The following MORC4 variants were observed in gnomAD, a reference collection of about 807,000 sequenced individuals.
MORC4 encodes the protein MORC family CW-type zinc finger protein 4.
Under a neutral mutation model 65.5 loss-of-function variants are expected in MORC4, and 22 were observed. That is an observed-to-expected ratio of 0.34 (90% CI 0.24 to 0.48). The LOEUF (loss-of-function observed/expected upper bound fraction) is 0.48. MORC4 is among the 20% of genes least tolerant of loss of function. The pLI, the probability that MORC4 is intolerant of heterozygous loss-of-function variation, is 0.99. For synonymous variants in MORC4, 267 were observed against 255.8 expected, an observed-to-expected ratio of 1.04 and a Z score of -0.42; for missense variants, 624 against 703.0, an observed-to-expected ratio of 0.89 and a Z score of 1.27.
chrX:106,955,350 C>T (rs1057036388), intron 13 of MORC4, among the ~76,000 whole-genome samples: 3 of 109,779 alleles, frequency 2.7e-5, no homozygotes, highest in African/African-American at 1.0e-4. Flanking sequence ...CCAATATAAA[C>T]CCAGGCCCCC....
intron 3 of MORC4, among the ~76,000 whole-genome samples, chrX:106,992,058 A>G (rs1392247660): frequency 7.1e-5 from 8 of 112,048 alleles, no homozygotes; most frequent in African/African-American, 1.6e-4. Context: ...GTTATAAGTT[A>G]AAGGATTGGG....
At chrX:106,980,480 C>T (rs1225554568) in intron 7 of MORC4, among the ~76,000 whole-genome samples, 1 of 111,673 alleles carries the variant, frequency 9.0e-6, no homozygotes, top group Non-Finnish European at 1.9e-5. Flanking sequence ...CAGTATTTTG[C>T]TAATTTCAAT....
chrX:106,999,786 T>C, intron 1 of MORC4, 37 bp from the exon 2 acceptor site: 2 of 1,006,527 alleles, frequency 2.0e-6, no homozygotes, highest in East Asian at 4.4e-5. Flanking sequence ...GCGTGAGGCC[T>C]CGGCCCGCCG....
At chrX:106,989,698 T>C (rs1227233950) in intron 3 of MORC4, among the ~76,000 whole-genome samples, 1 of 106,919 alleles carries the variant, frequency 9.4e-6, no homozygotes, top group Non-Finnish European at 1.9e-5. Flanking sequence ...TGAAACCCCG[T>C]CTCTACTAAA....
intron 9 of MORC4, among the ~76,000 whole-genome samples, 182 bp from the exon 10 acceptor site, chrX:106,962,292 C>CA (rs1934267813): frequency 8.9e-6 from 1 of 112,409 alleles, no homozygotes; most frequent in South Asian, 3.7e-4. Context: ...GTCAAAATGA[C>CA]AAAGTTGTAA....
chrX:106,970,710 C>T (rs919519898), intron 9 of MORC4, among the ~76,000 whole-genome samples: 1 of 111,512 alleles, frequency 9.0e-6, no homozygotes, highest in African/African-American at 3.3e-5. Flanking sequence ...AATGAACTGC[C>T]CTTCACAGTT....
In MORC4 at chrX:106,945,101, T is replaced by C. The variant is rs190057741; in HGVS notation, c.1686-1896A>G. Among the ~76,000 whole-genome samples, 3 of 112,248 alleles carry C rather than the reference T, an allele frequency of 2.7e-5. No individual in the cohort carries two copies. In the East Asian group the frequency reaches 8.4e-4, roughly 32 times the overall value. On this transcript the variant is annotated intron_variant, in intron 14 of 16. Coordinates refer to ENST00000355610, the MANE Select transcript of MORC4 (RefSeq NM_024657.5). ...CTGTACCAGATCATGTAAGAAGTGC[T>C]TAACATGTATTGCCTCATCTAATTC...
chrX:106,994,211 T>C (rs1248252182), intron 2 of MORC4, among the ~76,000 whole-genome samples: 1 of 112,435 alleles, frequency 8.9e-6, no homozygotes, highest in African/African-American at 3.2e-5. Context: ...CACTGTCTAG[T>C]TGCCGCATGT....
rs142586682 is a variant in MORC4, at chrX:106,981,002, T to C, written c.825A>G (p.Leu275=). ...AAATTTTCATGCGTGGCTTCATGTATAGAATACCACAAAATGCCTACGGAA... is the reference window on the plus strand; with the variant it reads ...AAATTTTCATGCGTGGCTTCATGTACAGAATACCACAAAATGCCTACGGAA... ...EYSLRAFCGI[L]YMKPRMKIFL... The change falls in exon 7 of 17, where the codon CTA becomes CTG. Residue 275 remains leucine, a synonymous_variant. Transcript: ENST00000355610. 91 of 1,208,101 alleles carry C rather than the reference T, an allele frequency of 7.5e-5. No homozygotes were observed. Among genetic ancestry groups the C allele is most frequent in the Non-Finnish European group, 9.6e-5 (86 of 894,155 alleles).
At chrX:106,974,617 T>C (rs1398512166) in intron 9 of MORC4, among the ~76,000 whole-genome samples, 1 of 112,032 alleles carries the variant, frequency 8.9e-6, no homozygotes, top group Non-Finnish European at 1.9e-5. Flanking sequence ...AATTACTTCA[T>C]ATATGTTACA....
intron 14 of MORC4, among the ~76,000 whole-genome samples, chrX:106,947,053 T>A (rs1933845545): frequency 8.9e-6 from 1 of 112,034 alleles, no homozygotes; most frequent in Non-Finnish European, 1.9e-5. Flanking sequence ...ATATTTTCAA[T>A]ATATTTTTAC....
intron 2 of MORC4, among the ~76,000 whole-genome samples, chrX:106,998,271 G>C (rs1274465796): frequency 1.8e-5 from 2 of 112,210 alleles, no homozygotes; most frequent in Admixed American, 9.4e-5. Flanking sequence ...ATACATGTAT[G>C]CATGCATGTG....
At chrX:106,969,495 TAGAG>T (rs1934455361) in intron 9 of MORC4, among the ~76,000 whole-genome samples, 1 of 108,054 alleles carries the variant, frequency 9.3e-6, no homozygotes, top group African/African-American at 3.3e-5. Flanking sequence ...ATGAAGGAGA[TAGAG>T]ACACAAAAAT....
At chrX:106,982,776 T>C (rs1013866260) in intron 5 of MORC4, among the ~76,000 whole-genome samples, 7 of 111,736 alleles carry the variant, frequency 6.3e-5, no homozygotes, top group African/African-American at 2.3e-4. Flanking sequence ...AGAAATACTT[T>C]TTAAAAATTG....
intron 14 of MORC4, among the ~76,000 whole-genome samples, chrX:106,949,024 C>A (rs1291203641): frequency 9.0e-6 from 1 of 111,545 alleles, no homozygotes; most frequent in Non-Finnish European, 1.9e-5. Flanking sequence ...TCTCTCTATT[C>A]TTCTATTATG....
intron 9 of MORC4, 37 bp from the exon 10 acceptor site, chrX:106,962,147 A>G (rs1055137201): frequency 2.0e-6 from 2 of 992,301 alleles, no homozygotes; most frequent in African/African-American, 3.8e-5. Flanking sequence ...AAAGTTTAGC[A>G]CTTGTTGAGC....
intron 16 of MORC4, 44 bp from the exon 17 acceptor site, chrX:106,941,676 T>C: frequency 1.7e-6 from 2 of 1,153,309 alleles, no homozygotes; most frequent in Non-Finnish European, 2.3e-6. Flanking sequence ...TGACATGAAG[T>C]CATTAACCAA....
rs771696048 is a variant in MORC4, at chrX:106,941,599, G to A, written c.2694C>T (p.His898=). Residue 898 remains histidine, a synonymous_variant, in exon 17 of 17, where the codon CAC becomes CAT. Coordinates refer to ENST00000355610, the MANE Select transcript of MORC4 (RefSeq NM_024657.5). The part of the protein sequence containing the change: ...ALAKLTRLRI[H]VSYLLTSVLP... ...GGACAGAAGTAAGGAGATAGCTGAC[G>A]TGGATACGTAGCCGCGTAAGCTTTG... 1.9e-5 allele frequency: 23 copies of A among 1,208,646 alleles called. No homozygotes were observed. Among genetic ancestry groups the A allele is most frequent in the Admixed American group, 1.1e-4 (5 of 45,650 alleles).
In MORC4 at chrX:106,966,348, C is replaced by T. The variant is rs143418030; in HGVS notation, c.1158-4238G>A. Among the ~76,000 whole-genome samples, 739 of 112,348 alleles carry T rather than the reference C, an allele frequency of 6.6e-3. 8 individuals are homozygous for T. The highest frequency in any genetic ancestry group is 0.023 in the African/African-American group (704 of 31,007). On this transcript the variant is annotated intron_variant, in intron 9 of 16. Transcript: ENST00000355610. ...ATGGCTGAATAGGAACAGCCCCAGT[C>T]TACAGCTCCCAGTGAGATCGACGCA...
Sources: gnomAD v4.1 joint callset for allele counts (sites outside exome capture counted in the v4.1 genomes callset) on GRCh38, gnomAD v4.1.1 for gene constraint, MANE v1.5 for transcripts, NCBI Gene and HGNC (gene_info 2026-07-23, HGNC 2026-07-21) for gene names.